Variants in ADGRA1 observed in about 807,000 individuals in gnomAD.
ADGRA1 encodes the protein adhesion G protein-coupled receptor A1.
A neutral mutation model predicts 21.3 loss-of-function variants in ADGRA1; 12 were observed. That is an observed-to-expected ratio of 0.56 (90% confidence interval 0.36 to 0.91). The LOEUF is 0.91. ADGRA1 is among the 40% of genes least tolerant of loss of function. The pLI is 0.01. For missense variants in ADGRA1, 790 were observed against 805.6 expected (o/e 0.98, Z 0.23); for synonymous variants, 385 against 368.8 (o/e 1.04, Z -0.50).
intron 1 of ADGRA1, 160 bp downstream of exon 1, chr10:133,088,298 C>T: frequency 5.0e-6 from 1 of 201,250 alleles, no homozygotes; most frequent in Non-Finnish European, 8.8e-6. Context: ...TCCAGGGCCC[C>T]CGCCCCGCGC....
At chr10:133,097,174 A>T in intron 3 of ADGRA1, 73 bp downstream of exon 3, 1 of 1,560,964 alleles carries the variant, frequency 6.4e-7, no homozygotes, top group Non-Finnish European at 8.7e-7. Flanking sequence ...CAAGTCCCTG[A>T]AGGGCAATGC....
intron 5 of ADGRA1, among the ~76,000 whole-genome samples, chr10:133,117,312 C>T (rs1852177505): frequency 6.6e-6 from 1 of 152,146 alleles, no homozygotes; most frequent in African/African-American, 2.4e-5. Context: ...CCTGTGCACA[C>T]AGAGCAGGCA....
At chr10:133,098,911 A>G (rs911359068) in intron 4 of ADGRA1, 148 bp downstream of exon 4, 4 of 1,121,218 alleles carry the variant, frequency 3.6e-6, no homozygotes, top group Non-Finnish European at 5.0e-6. Context: ...GCTTCACGCC[A>G]TGCAAGTCCA....
chr10:133,103,343 C>T lies in ADGRA1; in HGVS notation c.401+501C>T, dbSNP rs181847178. On this transcript the variant is annotated intron_variant, in intron 5 of 6. Transcript: ENST00000392607. The stretch of plus-strand genomic sequence containing the variant: ...GTAACATCAGGCAGCTGACTGTCAG[C>T]GGGTGGAAAACCTCACACACTCAGG... Among the ~76,000 whole-genome samples the T allele has an allele frequency of 2.0e-3, 298 of 152,314 alleles. 2 individuals carry two copies. Among genetic ancestry groups the T allele is most frequent in the African/African-American group, 6.3e-3 (263 of 41,582 alleles).
At chr10:133,112,778 T>TTTGAGGTCTGCGGGCCAC (rs1467598954) in intron 5 of ADGRA1, among the ~76,000 whole-genome samples, 1 of 103,932 alleles carries the variant, frequency 9.6e-6, no homozygotes, top group Admixed American at 1.1e-4. Flanking sequence ...CTGTAAGCTA[T>TTTGAGGTCTGCGGGCCAC]GTCGGTTATT....
chr10:133,128,348 C>T lies in ADGRA1; in HGVS notation c.520C>T (p.Pro174Ser), dbSNP rs752568549. 5.0e-5 allele frequency: 78 copies of T among 1,553,524 alleles called. No homozygotes were observed. The highest frequency in any genetic ancestry group is 6.2e-5 in the Non-Finnish European group (71 of 1,151,838). The part of the protein sequence containing the change: ...DTAYCWMAWE[P>S]SLGAFYGPAA... ...CCACAGCTGCTGGATGGCCTGGGAGCCCAGCCTGGGCGCCTTCTACGGCCC... is the reference window on the plus strand; with the variant it reads ...CCACAGCTGCTGGATGGCCTGGGAGTCCAGCCTGGGCGCCTTCTACGGCCC... Residue 174 changes from proline (P) to serine (S), a missense_variant, in exon 7 of 7, where the codon CCC becomes TCC. Transcript: ENST00000392607.
chr10:133,112,198 T>C (rs1280225133), intron 5 of ADGRA1, among the ~76,000 whole-genome samples: 13 of 152,246 alleles, frequency 8.5e-5, no homozygotes, highest in Admixed American at 5.9e-4. Context: ...TGTGATTTCA[T>C]AGGTGCTCGG....
chr10:133,095,594 C>T, intron 2 of ADGRA1: 1 of 1,538,604 alleles, frequency 6.5e-7, no homozygotes, highest in Admixed American at 1.9e-5. Context: ...TGTTCGAACC[C>T]TGGGGCAGGG....
At chr10:133,100,318 C>G (rs1056645990) in intron 4 of ADGRA1, among the ~76,000 whole-genome samples, 3 of 152,264 alleles carry the variant, frequency 2.0e-5, no homozygotes, top group Non-Finnish European at 4.4e-5. Context: ...CGGGAAACGC[C>G]ATTGACGTCC....
intron 2 of ADGRA1, among the ~76,000 whole-genome samples, chr10:133,094,978 C>T (rs569010667): frequency 1.4e-4 from 22 of 152,266 alleles, no homozygotes; most frequent in Admixed American, 8.5e-4. Flanking sequence ...AGGAAGTGGG[C>T]GCCTACTAAA....
intron 5 of ADGRA1, among the ~76,000 whole-genome samples, chr10:133,125,099 T>C (rs1852354024): frequency 6.6e-6 from 1 of 152,376 alleles, no homozygotes; most frequent in South Asian, 2.1e-4. Context: ...GTAGCTCTCT[T>C]AATCTCACAG....
Position 133,102,723 on chromosome 10 carries a change from A to T in ADGRA1, c.282A>T (p.Thr94=). ...QAVGIVLHYS[T]LSTMLWIGVT... ...TGGGCATCGTGCTGCACTATTCTAC[A>T]CTGTCCACCATGCTGTGGATAGGAG... The change falls in exon 5 of 7, where the codon ACA becomes ACT. Residue 94 remains threonine (T), a synonymous_variant. Transcript: ENST00000392607. The T allele has an allele frequency of 6.2e-7, 1 of 1,611,922 alleles. No homozygotes were observed. Among genetic ancestry groups the T allele is most frequent in the East Asian group, 2.2e-5 (1 of 44,832 alleles).
At chr10:133,112,404 C>G (rs145972079) in intron 5 of ADGRA1, among the ~76,000 whole-genome samples, 15,662 of 74,974 alleles carry the variant, frequency 0.21, 1,636 homozygotes, top group East Asian at 0.52. Context: ...GGGCCGCGTC[C>G]GTTATTTGGG....
At chr10:133,088,542 G>T (rs1203630357) in intron 1 of ADGRA1, 166 bp from the exon 2 acceptor site, 1 of 286,320 alleles carries the variant, frequency 3.5e-6, no homozygotes. Flanking sequence ...GCCCCCCACC[G>T]GTCCCCACCG....
chr10:133,124,732 G>A (rs750205513), intron 5 of ADGRA1, among the ~76,000 whole-genome samples: 14 of 152,358 alleles, frequency 9.2e-5, no homozygotes, highest in East Asian at 1.9e-4. Flanking sequence ...CCAGACGGGC[G>A]GGAACAACTC....
intron 5 of ADGRA1, among the ~76,000 whole-genome samples, chr10:133,126,566 G>A (rs936591845): frequency 1.8e-4 from 27 of 152,180 alleles, no homozygotes; most frequent in Non-Finnish European, 1.5e-4. Context: ...GGCTGGAGGC[G>A]GTGAGCAAGT....
chr10:133,096,519 GA>G (rs950769143), intron 2 of ADGRA1, among the ~76,000 whole-genome samples: 1 of 152,260 alleles, frequency 6.6e-6, no homozygotes, highest in Non-Finnish European at 1.5e-5. Flanking sequence ...GGAAGATGTT[GA>G]CAAGCAGGGT....
chr10:133,123,089 C>T (rs1249745065), intron 5 of ADGRA1, among the ~76,000 whole-genome samples: 1 of 152,236 alleles, frequency 6.6e-6, no homozygotes, highest in Non-Finnish European at 1.5e-5. Flanking sequence ...ACGTTGGTCT[C>T]CGAGGGCTCA....
At chr10:133,128,142 G>A (rs1185377894) in intron 6 of ADGRA1, among the ~76,000 whole-genome samples, 187 bp from the exon 7 acceptor site, 2 of 149,592 alleles carry the variant, frequency 1.3e-5, no homozygotes, top group Non-Finnish European at 3.0e-5. Context: ...TCCCAAGCTG[G>A]TAGGGCCAAT....
Sources: gnomAD v4.1 joint callset for allele counts (sites outside exome capture counted in the v4.1 genomes callset) on GRCh38, gnomAD v4.1.1 for gene constraint, MANE v1.5 for transcripts, NCBI Gene and HGNC (gene_info 2026-07-23, HGNC 2026-07-21) for gene names.